The following SPIDR variants were observed in gnomAD, a reference collection of about 807,000 sequenced individuals.
SPIDR encodes scaffold protein involved in DNA repair.
In SPIDR, 93 loss-of-function variants were observed where a neutral mutation model predicts 104.6. The observed-to-expected ratio is 0.89, with a 90% CI of 0.75 to 1.06. The LOEUF (loss-of-function observed/expected upper bound fraction) is 1.06, where lower values mean the gene tolerates loss of function less well. Ranked by LOEUF, SPIDR falls within the 50% of genes least tolerant of loss-of-function variation. SPIDR has a pLI of 0.00. For missense variants in SPIDR, 1,154 were observed against 1,111.2 expected, an observed-to-expected ratio of 1.04 and a Z score of -0.55; for synonymous variants, 431 against 416.9, an observed-to-expected ratio of 1.03 and a Z score of -0.41.
intron 7 of SPIDR, among the ~76,000 whole-genome samples, chr8:47,435,107 C>T (rs940881567): frequency 6.6e-6 from 1 of 152,120 alleles, no homozygotes; most frequent in Non-Finnish European, 1.5e-5. Flanking sequence ...TAACCTCCTG[C>T]CTCAGCCTCT....
intron 5 of SPIDR, among the ~76,000 whole-genome samples, chr8:47,388,186 C>T (rs1369732755): frequency 1.3e-5 from 2 of 152,080 alleles, no homozygotes; most frequent in Non-Finnish European, 2.9e-5. Flanking sequence ...ATTTTTTGTC[C>T]ATTTGGAGCA....
At chr8:47,421,337 C>A (rs563594754) in intron 7 of SPIDR, among the ~76,000 whole-genome samples, 121 of 152,288 alleles carry the variant, frequency 7.9e-4, no homozygotes, top group African/African-American at 2.8e-3. Context: ...CTAAACTTCT[C>A]TTCTCACTTC....
chr8:47,533,036 A>AT lies in SPIDR; in HGVS notation c.1098-62771dup, dbSNP rs200772287. ...AGAAATCCCAAGAGAAATTTAAAAT[A>AT]TTTTAACAAAGTGAAAATGAAAATA... On this transcript the variant is annotated intron_variant, in intron 8 of 19. Coordinates refer to ENST00000297423, the MANE Select transcript of SPIDR (RefSeq NM_001080394.4). 9.2e-3 allele frequency among the ~76,000 whole-genome samples: 1,401 copies of AT among 152,356 alleles called. 22 individuals carry two copies. The highest frequency in any genetic ancestry group is 0.031 in the African/African-American group (1,303 of 41,580).
Position 47,621,247 on chromosome 8 carries a change from G to A in SPIDR, c.1544+22051G>A, listed in dbSNP as rs1289046941. On this transcript the variant is annotated intron_variant, in intron 10 of 19. Transcript: ENST00000297423. The stretch of plus-strand genomic sequence containing the variant: ...TGGGATTACAGGCGTGAGCCACCAC[G>A]CCCGGCCAATTCATATGGGTTTTAG... Among the ~76,000 whole-genome samples, 6 of 152,300 alleles carry A rather than the reference G, an allele frequency of 3.9e-5. No individual in the cohort carries two copies. The East Asian group carries it at 9.7e-4, about 25-fold the overall frequency.
intron 8 of SPIDR, among the ~76,000 whole-genome samples, chr8:47,512,341 G>T (rs892429452): frequency 7.2e-5 from 11 of 152,134 alleles, no homozygotes; most frequent in African/African-American, 2.7e-4. Context: ...TGTTGCCTAT[G>T]GTGATTGGTC....
At chr8:47,691,290 CAAAAAAAA>C (rs60147394) in intron 11 of SPIDR, among the ~76,000 whole-genome samples, 6 of 86,632 alleles carry the variant, frequency 6.9e-5, no homozygotes, top group East Asian at 6.2e-4. Flanking sequence ...GACTCCGTCT[CAAAAAAAA>C]AAAAAAAAAA....
intron 14 of SPIDR, among the ~76,000 whole-genome samples, chr8:47,703,419 A>G (rs1177973888): frequency 6.6e-6 from 1 of 152,180 alleles, no homozygotes; most frequent in African/African-American, 2.4e-5. Context: ...TGTTAAATCA[A>G]CTTCTCTTCC....
chr8:47,321,867 G>A (rs572753017), intron 5 of SPIDR, among the ~76,000 whole-genome samples: 1 of 152,232 alleles, frequency 6.6e-6, no homozygotes, highest in East Asian at 1.9e-4. Flanking sequence ...TTTAATAAAT[G>A]GTGCTGGGAA....
intron 8 of SPIDR, among the ~76,000 whole-genome samples, chr8:47,577,668 A>T (rs951606561): frequency 6.6e-6 from 1 of 152,252 alleles, no homozygotes; most frequent in Non-Finnish European, 1.5e-5. Context: ...CCTTGTAGAC[A>T]TCTAGGAACA....
intron 10 of SPIDR, among the ~76,000 whole-genome samples, chr8:47,619,223 G>A (rs1055794351): frequency 6.6e-6 from 1 of 152,162 alleles, no homozygotes; most frequent in African/African-American, 2.4e-5. Flanking sequence ...TCTACACAAT[G>A]AATCTCTGCA....
intron 7 of SPIDR, chr8:47,418,988 A>C (rs1554677601): frequency 1.3e-5 from 2 of 152,204 alleles, no homozygotes; most frequent in Non-Finnish European, 2.9e-5. Flanking sequence ...ATGGTAGATA[A>C]GCTTTTTGAT....
intron 9 of SPIDR, 24 bp downstream of exon 9, chr8:47,596,030 T>G (rs1238211842): frequency 1.3e-6 from 2 of 1,581,780 alleles, no homozygotes; most frequent in Non-Finnish European, 1.7e-6. Context: ...GGCCTAAAGG[T>G]TTTATGCTTG....
At chr8:47,319,052 C>A (rs1183937126) in intron 5 of SPIDR, among the ~76,000 whole-genome samples, 1 of 151,666 alleles carries the variant, frequency 6.6e-6, no homozygotes, top group Non-Finnish European at 1.5e-5. Flanking sequence ...AGCAAAATAA[C>A]CAGCTAACAT....
In SPIDR at chr8:47,489,508, A is replaced by G. The variant is rs561123525; in HGVS notation, c.1097+48966A>G. 6.6e-5 allele frequency among the ~76,000 whole-genome samples: 10 copies of G among 152,370 alleles called. No homozygotes were observed. The East Asian group carries it at 1.9e-3, about 29-fold the overall frequency. On this transcript the variant is annotated intron_variant, in intron 8 of 19. Coordinates refer to ENST00000297423, the MANE Select transcript of SPIDR (RefSeq NM_001080394.4). ...ACAGAATTGGAAAAAAATTCTTTAAAGTTCCTATGGAACCAAAAAAGAGCC... is the reference window on the plus strand; with the variant it reads ...ACAGAATTGGAAAAAAATTCTTTAAGGTTCCTATGGAACCAAAAAAGAGCC...
At chr8:47,680,326 T>C (rs1402743308) in intron 11 of SPIDR, among the ~76,000 whole-genome samples, 2 of 152,056 alleles carry the variant, frequency 1.3e-5, no homozygotes, top group East Asian at 1.9e-4. Flanking sequence ...GGGCCTGAGA[T>C]AGAGGTGGGG....
rs866830782 is a variant in SPIDR, at chr8:47,546,909, A to T, written c.1098-48902A>T. 8.2e-5 allele frequency: 37 copies of T among 450,670 alleles called. 2 individuals are homozygous for T. The Middle Eastern group carries it at 0.01, about 124-fold the overall frequency. The allele number at this position is 450,670 out of a possible 1,614,324, so 27.9% of individuals were successfully genotyped here. On this transcript the variant is annotated intron_variant, in intron 8 of 19. Transcript: ENST00000297423. ...AAATTAATGGTTTGTTGCCCTTGCC[A>T]GTAACAAAAACGTTGGAAAGCCAGG...
intron 8 of SPIDR, among the ~76,000 whole-genome samples, chr8:47,518,639 T>C (rs2083513178): frequency 7.2e-6 from 1 of 138,728 alleles, no homozygotes; most frequent in Non-Finnish European, 1.6e-5. Context: ...CTTCTGCTAC[T>C]TTTTTTTTTT....
At chr8:47,314,369 G>A (rs1490465009) in intron 5 of SPIDR, among the ~76,000 whole-genome samples, 1 of 152,182 alleles carries the variant, frequency 6.6e-6, no homozygotes. Context: ...TAAAACAAAT[G>A]AGATGTGTGT....
intron 10 of SPIDR, among the ~76,000 whole-genome samples, chr8:47,650,819 C>T (rs756117060): frequency 3.3e-5 from 5 of 152,060 alleles, no homozygotes; most frequent in Admixed American, 1.3e-4. Flanking sequence ...GTTAATAGGT[C>T]TTCAACAAAG....
Sources: allele counts gnomAD v4.1 joint callset (sites outside exome capture counted in the v4.1 genomes callset), GRCh38; gene constraint gnomAD v4.1.1; transcripts MANE v1.5; gene names NCBI Gene and HGNC (gene_info 2026-07-23, HGNC 2026-07-21).